Variants in SLIT3 observed in about 807,000 individuals in gnomAD.
SLIT3 encodes slit homolog 3 protein.
In SLIT3, 68 loss-of-function variants were observed where a neutral mutation model predicts 184.0. That is an observed-to-expected ratio of 0.37 (90% CI 0.30 to 0.45). SLIT3 has a LOEUF of 0.45. SLIT3 is among the 20% of genes least tolerant of loss of function. The probability of loss-of-function intolerance (pLI) is 1.00; values close to 1 mark genes in which losing one functional copy is unlikely to be tolerated. For synonymous variants in SLIT3, 831 were observed against 828.6 expected (o/e 1.00, Z -0.05); for missense variants, 1,707 against 2,026.0 (o/e 0.84, Z 3.02).
chr5:169,242,237 G>GA, intron 3 of SLIT3, among the ~76,000 whole-genome samples: 1 of 152,202 alleles, frequency 6.6e-6, no homozygotes, highest in Non-Finnish European at 1.5e-5. Context: ...GGTATTATGA[G>GA]AATGACTATT....
intron 20 of SLIT3, among the ~76,000 whole-genome samples, chr5:168,741,478 C>CA (rs3061744): frequency 0.014 from 1,104 of 81,554 alleles, 48 homozygotes; most frequent in East Asian, 0.08. Context: ...GACTCGGTCT[C>CA]AAAAAAAAAA....
At chr5:168,780,721 C>G (rs1755939713) in intron 12 of SLIT3, among the ~76,000 whole-genome samples, 1 of 152,172 alleles carries the variant, frequency 6.6e-6, no homozygotes, top group Non-Finnish European at 1.5e-5. Flanking sequence ...CTTTTTATTT[C>G]TCTAGTATTA....
chr5:168,810,847 G>A (rs1242147699), intron 8 of SLIT3, among the ~76,000 whole-genome samples: 2 of 152,160 alleles, frequency 1.3e-5, no homozygotes, highest in East Asian at 3.9e-4. Context: ...GTGAGTGAGA[G>A]GGGAGGGATG....
At chr5:169,118,134 C>A (rs1760756935) in intron 4 of SLIT3, among the ~76,000 whole-genome samples, 1 of 152,160 alleles carries the variant, frequency 6.6e-6, no homozygotes, top group South Asian at 2.1e-4. Context: ...GCTATGATCA[C>A]ATTAATTCAC....
intron 12 of SLIT3, among the ~76,000 whole-genome samples, chr5:168,779,680 T>C (rs1561928689): frequency 2.6e-5 from 4 of 152,274 alleles, no homozygotes; most frequent in East Asian, 3.9e-4. Flanking sequence ...TCAAAAAAGC[T>C]AGAGCTGGAG....
chr5:169,245,112 G>A, intron 2 of SLIT3, among the ~76,000 whole-genome samples: 1 of 152,146 alleles, frequency 6.6e-6, no homozygotes, highest in East Asian at 1.9e-4. Flanking sequence ...CATAGATTCA[G>A]CATCTCTTCC....
intron 4 of SLIT3, among the ~76,000 whole-genome samples, chr5:168,979,716 T>G (rs1432239433): frequency 6.6e-6 from 1 of 152,176 alleles, no homozygotes; most frequent in African/African-American, 2.4e-5. Flanking sequence ...GTTTGTGTGA[T>G]TTATCCCTTC....
intron 4 of SLIT3, among the ~76,000 whole-genome samples, chr5:168,954,680 C>A (rs963026722): frequency 1.3e-5 from 2 of 152,192 alleles, no homozygotes; most frequent in African/African-American, 4.8e-5. Flanking sequence ...AAGCCTAAGA[C>A]CCTAGCACTG....
intron 4 of SLIT3, among the ~76,000 whole-genome samples, chr5:169,091,429 C>A (rs1759578672): frequency 6.6e-6 from 1 of 152,120 alleles, no homozygotes; most frequent in Non-Finnish European, 1.5e-5. Flanking sequence ...GACACCTCTT[C>A]CATCCTGCTT....
chr5:169,092,105 C>G (rs757927710), intron 4 of SLIT3, among the ~76,000 whole-genome samples: 2 of 152,192 alleles, frequency 1.3e-5, no homozygotes, highest in East Asian at 1.9e-4. Context: ...CAGCTATAAT[C>G]CCACCTACTT....
intron 4 of SLIT3, among the ~76,000 whole-genome samples, chr5:168,917,675 A>G (rs954876147): frequency 6.6e-6 from 1 of 152,210 alleles, no homozygotes; most frequent in African/African-American, 2.4e-5. Flanking sequence ...AAAAAACACA[A>G]AGCCAGTATT....
chr5:169,032,438 TCAGAATTA>T (rs2113525773), intron 4 of SLIT3, among the ~76,000 whole-genome samples: 1 of 152,212 alleles, frequency 6.6e-6, no homozygotes, highest in Admixed American at 6.5e-5. Flanking sequence ...TCACATTTGC[TCAGAATTA>T]TAAAAATAGT....
chr5:169,244,987 C>A (rs1434933928), intron 2 of SLIT3, among the ~76,000 whole-genome samples: 1 of 152,206 alleles, frequency 6.6e-6, no homozygotes, highest in African/African-American at 2.4e-5. Flanking sequence ...TTCTACCTGA[C>A]AGATTGGTTT....
chr5:169,027,915 A>T (rs1304321310), intron 4 of SLIT3, among the ~76,000 whole-genome samples: 3 of 152,184 alleles, frequency 2.0e-5, no homozygotes, highest in Non-Finnish European at 4.4e-5. Context: ...CTTGAAATGC[A>T]CTAAGAAAAC....
chr5:168,921,266 C>A (rs1313400676), intron 4 of SLIT3, among the ~76,000 whole-genome samples: 1 of 152,160 alleles, frequency 6.6e-6, no homozygotes, highest in East Asian at 1.9e-4. Flanking sequence ...ACTCTATGTT[C>A]CTGAATACTT....
At chr5:168,824,745 C>T (rs180692771) in intron 6 of SLIT3, among the ~76,000 whole-genome samples, 3 of 152,316 alleles carry the variant, frequency 2.0e-5, no homozygotes, top group Middle Eastern at 3.4e-3. Flanking sequence ...CTCCGCTCCT[C>T]CCAGAACCAC....
intron 16 of SLIT3, among the ~76,000 whole-genome samples, chr5:168,754,466 A>T (rs1754827243): frequency 6.6e-6 from 1 of 152,154 alleles, no homozygotes; most frequent in Admixed American, 6.5e-5. Context: ...CAGTAGAAGG[A>T]TGGTTACCAG....
chr5:168,873,731 A>G (rs992180921), intron 5 of SLIT3, among the ~76,000 whole-genome samples: 1 of 152,108 alleles, frequency 6.6e-6, no homozygotes, highest in African/African-American at 2.4e-5. Flanking sequence ...ACTCCTCACT[A>G]GTATTTTCTC....
rs767560268 is a variant in SLIT3, at chr5:168,760,869, G to T, written c.1678C>A (p.Arg560=). The change falls in exon 16 of 36, where the codon CGG becomes AGG. Residue 560 remains arginine, a synonymous_variant. Transcript: ENST00000519560. The stretch of plus-strand genomic sequence containing the variant: ...TTCCTGAAGTTGACTTACATTTTCC[G>T]CAGGTTGGGCAACTTCTTGAAGATG... ...TGIFKKLPNL[R]KINLSNNKIK... The T allele has an allele frequency of 6.2e-7, 1 of 1,612,524 alleles. No homozygotes were observed. The highest frequency in any genetic ancestry group is 1.1e-5 in the South Asian group (1 of 91,046).
Sources: allele counts gnomAD v4.1 joint callset (sites outside exome capture counted in the v4.1 genomes callset), GRCh38; gene constraint gnomAD v4.1.1; transcripts MANE v1.5; gene names NCBI Gene and HGNC (gene_info 2026-07-23, HGNC 2026-07-21).